UBAC2: variants seen among roughly 807,000 people sequenced by gnomAD.
UBAC2 encodes the protein UBA domain containing 2.
In UBAC2, 26 loss-of-function variants were observed where a neutral mutation model predicts 44.0. The observed-to-expected ratio is 0.59, with a 90% CI of 0.43 to 0.82. The LOEUF (loss-of-function observed/expected upper bound fraction) is 0.82, where lower values mean the gene tolerates loss of function less well. Among genes scored for constraint, UBAC2 ranks in the 40% least tolerant of loss-of-function variants. The pLI is 0.00. For missense variants in UBAC2, 329 were observed against 419.4 expected (o/e 0.78, Z 1.88); for synonymous variants, 155 against 154.3 (o/e 1.00, Z -0.04).
chr13:99,375,362 G>A (rs1179965572), intron 8 of UBAC2, among the ~76,000 whole-genome samples: 1 of 152,186 alleles, frequency 6.6e-6, no homozygotes, highest in Non-Finnish European at 1.5e-5. Context: ...CCTTGCAAGG[G>A]TCTCGGCCAT....
intron 7 of UBAC2, among the ~76,000 whole-genome samples, chr13:99,357,496 C>G (rs1194110104): frequency 6.6e-6 from 1 of 152,170 alleles, no homozygotes; most frequent in Non-Finnish European, 1.5e-5. Context: ...TTATCTGGCC[C>G]CAGGACAGCG....
intron 4 of UBAC2, among the ~76,000 whole-genome samples, chr13:99,298,700 G>A (rs2044213293): frequency 6.6e-6 from 1 of 152,220 alleles, no homozygotes; most frequent in Non-Finnish European, 1.5e-5. Context: ...AAAAAATGGA[G>A]TGGTTCTTAA....
At chr13:99,338,047 C>CTTTTTCTTTTTTTTTTTTTTTTTTTT (rs2044821100) in intron 6 of UBAC2, among the ~76,000 whole-genome samples, 1 of 48,852 alleles carries the variant, frequency 2.0e-5, no homozygotes, top group African/African-American at 7.1e-5. Flanking sequence ...TTCTTTTTTT[C>CTTTTTCTTTTTTTTTTTTTTTTTTTT]TTTTTTTTTT....
chr13:99,256,813 C>G (rs146271975), intron 4 of UBAC2, among the ~76,000 whole-genome samples: 1 of 152,066 alleles, frequency 6.6e-6, no homozygotes, highest in Non-Finnish European at 1.5e-5. Flanking sequence ...TGATGCAACA[C>G]CAACAACAGA....
intron 8 of UBAC2, among the ~76,000 whole-genome samples, chr13:99,374,935 A>C (rs72651013): frequency 0.093 from 14,220 of 152,248 alleles, 716 homozygotes; most frequent in East Asian, 0.13. Flanking sequence ...TCCCTTTCAG[A>C]ACTCTTGTTT....
chr13:99,275,102 G>C (rs9517669), intron 4 of UBAC2, among the ~76,000 whole-genome samples: 1 of 152,116 alleles, frequency 6.6e-6, no homozygotes, highest in Non-Finnish European at 1.5e-5. Context: ...CAGAATCATA[G>C]TGTATACATA....
intron 6 of UBAC2, among the ~76,000 whole-genome samples, chr13:99,327,140 C>T (rs2044650667): frequency 6.6e-6 from 1 of 152,194 alleles, no homozygotes; most frequent in South Asian, 2.1e-4. Flanking sequence ...TAAACCTCAC[C>T]TTCAGCAAAC....
chr13:99,222,851 A>G (rs890263633), intron 1 of UBAC2, among the ~76,000 whole-genome samples: 3 of 152,184 alleles, frequency 2.0e-5, no homozygotes, highest in Non-Finnish European at 2.9e-5. Context: ...CTAACAGTGT[A>G]ACACTGGCTT....
chr13:99,264,973 T>G (rs979515069), intron 4 of UBAC2, among the ~76,000 whole-genome samples: 4 of 152,052 alleles, frequency 2.6e-5, no homozygotes, highest in Non-Finnish European at 4.4e-5. Context: ...CGCTGTTTTT[T>G]TTTTTTTTTT....
chr13:99,238,365 G>C (rs1351800684), intron 1 of UBAC2, 62 bp from the exon 2 acceptor site: 1 of 1,558,240 alleles, frequency 6.4e-7, no homozygotes, highest in South Asian at 1.2e-5. Context: ...TGCTTTTCAC[G>C]CATGTGGTTT....
At chr13:99,232,779 A>T (rs190654527) in intron 1 of UBAC2, among the ~76,000 whole-genome samples, 2 of 152,004 alleles carry the variant, frequency 1.3e-5, no homozygotes, top group East Asian at 3.9e-4. Flanking sequence ...AAACAAAAAC[A>T]ACGAAAAAAA....
chr13:99,301,972 A>G (rs903433378), intron 4 of UBAC2, among the ~76,000 whole-genome samples: 23 of 152,184 alleles, frequency 1.5e-4, no homozygotes, highest in Non-Finnish European at 2.5e-4. Context: ...ATTCTGTTTA[A>G]TTGTAGCCAC....
In UBAC2 at chr13:99,223,867, C is replaced by T. The variant is rs2043080536; in HGVS notation, c.32-14560C>T. 1.3e-5 allele frequency among the ~76,000 whole-genome samples: 2 copies of T among 151,840 alleles called. 1 individual carries two copies. The highest frequency in any genetic ancestry group is 1.3e-4 in the Admixed American group (2 of 15,236). On this transcript the variant is annotated intron_variant, in intron 1 of 8. Transcript: ENST00000403766. ...AACATGCTTTATATGATTTTAATTCCTTTAAATTTTTTTGAGGACTCTTTT... is the reference window on the plus strand; with the variant it reads ...AACATGCTTTATATGATTTTAATTCTTTTAAATTTTTTTGAGGACTCTTTT...
chr13:99,376,326 C>T (rs1004605777), intron 8 of UBAC2, among the ~76,000 whole-genome samples: 4 of 152,212 alleles, frequency 2.6e-5, no homozygotes, highest in Non-Finnish European at 4.4e-5. Flanking sequence ...GGGCTGCTGA[C>T]GCCTGTGGTT....
chr13:99,288,565 A>C (rs1188392499), intron 4 of UBAC2, among the ~76,000 whole-genome samples: 4 of 152,252 alleles, frequency 2.6e-5, no homozygotes, highest in Admixed American at 2.6e-4. Context: ...TCAGAGATAA[A>C]GTAGCATAGC....
At chr13:99,237,538 C>G (rs1279493729) in intron 1 of UBAC2, among the ~76,000 whole-genome samples, 2 of 152,092 alleles carry the variant, frequency 1.3e-5, no homozygotes, top group Non-Finnish European at 2.9e-5. Flanking sequence ...CAAATATACA[C>G]TTAGAAGAAA....
chr13:99,214,558 C>T (rs1412333649), intron 1 of UBAC2, among the ~76,000 whole-genome samples: 1 of 152,070 alleles, frequency 6.6e-6, no homozygotes, highest in African/African-American at 2.4e-5. Flanking sequence ...AAGGGTGGCT[C>T]ATTGCTTTCT....
chr13:99,253,075 G>A (rs563322937), intron 4 of UBAC2, among the ~76,000 whole-genome samples: 1 of 150,164 alleles, frequency 6.7e-6, no homozygotes, highest in Non-Finnish European at 1.5e-5. Flanking sequence ...TTAAATATAT[G>A]TAAGATATAC....
rs143932174 is a variant in UBAC2 at position 99,297,111 on chromosome 13, T to C, written c.390-16986T>C. Among the ~76,000 whole-genome samples the C allele has an allele frequency of 1.5e-3, 236 of 152,350 alleles. 2 individuals carry two copies. Among genetic ancestry groups the C allele is most frequent in the East Asian group, 0.015 (77 of 5,196 alleles). ...CTTAGCTACTCCCTTGATGAACTTT[T>C]GGATTCTTTCCAATTCTTTTCTTGT... On this transcript the variant is annotated intron_variant, in intron 4 of 8. Coordinates refer to ENST00000403766, the MANE Select transcript of UBAC2 (RefSeq NM_001144072.2).
Sources: gnomAD v4.1 joint callset for allele counts (sites outside exome capture counted in the v4.1 genomes callset) on GRCh38, gnomAD v4.1.1 for gene constraint, MANE v1.5 for transcripts, NCBI Gene and HGNC (gene_info 2026-07-23, HGNC 2026-07-21) for gene names.